The following PKP4 variants were observed in gnomAD, a reference collection of about 807,000 sequenced individuals.
PKP4 encodes the protein plakophilin-4.
In PKP4, 90 loss-of-function variants were observed where a neutral mutation model predicts 145.1. The observed-to-expected ratio is 0.62, with a 90% CI of 0.52 to 0.74. PKP4 has a LOEUF of 0.74. Ranked by LOEUF, PKP4 falls within the 30% of genes least tolerant of loss-of-function variation. PKP4 has a pLI of 0.00. For synonymous variants in PKP4, 563 were observed against 577.2 expected, an observed-to-expected ratio of 0.98 and a Z score of 0.35; for missense variants, 1,340 against 1,482.7, an observed-to-expected ratio of 0.90 and a Z score of 1.58.
chr2:158,479,229 A>G (rs1186010605), intron 1 of PKP4, among the ~76,000 whole-genome samples: 5 of 151,684 alleles, frequency 3.3e-5, no homozygotes, highest in Non-Finnish European at 7.4e-5. Context: ...TATTATTATT[A>G]TTTATTTTTT....
chr2:158,647,264 G>A (rs765428929), intron 11 of PKP4, among the ~76,000 whole-genome samples: 1 of 152,202 alleles, frequency 6.6e-6, no homozygotes, highest in Non-Finnish European at 1.5e-5. Context: ...ATTCCTAAGT[G>A]AAAATTATAG....
intron 4 of PKP4, 52 bp downstream of exon 4, chr2:158,603,156 C>A: frequency 1.0e-6 from 1 of 981,846 alleles, no homozygotes; most frequent in Non-Finnish European, 1.5e-6. Flanking sequence ...AATTACATAG[C>A]CTACTCTCTT....
intron 3 of PKP4, 125 bp downstream of exon 3, chr2:158,577,508 A>G: frequency 1.6e-6 from 1 of 622,314 alleles, no homozygotes; most frequent in Admixed American, 3.1e-5. Flanking sequence ...ATTTGAAACC[A>G]AAAATGTCCA....
intron 7 of PKP4, among the ~76,000 whole-genome samples, 195 bp downstream of exon 7, chr2:158,625,622 A>G (rs1410255281): frequency 1.3e-5 from 2 of 152,226 alleles, no homozygotes; most frequent in East Asian, 3.8e-4. Context: ...CATTTATATC[A>G]ATAGAATCCT....
intron 7 of PKP4, 130 bp downstream of exon 7, chr2:158,625,557 C>CTTAAGG: frequency 1.4e-6 from 1 of 716,732 alleles, no homozygotes. Flanking sequence ...AAACTATAAA[C>CTTAAGG]TTAAGGTTAA....
At position 158,652,173 on chromosome 2, in the gene PKP4, T is replaced by C. The variant is rs573090104; in HGVS notation, c.1910-5958T>C. Among the ~76,000 whole-genome samples, 7 of 152,376 alleles carry C rather than the reference T, an allele frequency of 4.6e-5. No homozygotes were observed. The South Asian group carries it at 1.0e-3, about 23-fold the overall frequency. On this transcript the variant is annotated intron_variant, in intron 11 of 21. Coordinates refer to ENST00000389759, the MANE Select transcript of PKP4 (RefSeq NM_003628.6). ...TTCTAAGAAATATAAAAATTATTAA[T>C]ATTTTGTGTTCACTTCTTCGTACCA...
chr2:158,610,251 G>A (rs1297267831), intron 4 of PKP4, among the ~76,000 whole-genome samples: 2 of 151,942 alleles, frequency 1.3e-5, no homozygotes, highest in African/African-American at 4.8e-5. Context: ...TTATGTTAGC[G>A]CTCCCTTCTG....
chr2:158,565,370 C>CAAAT (rs1279121945), intron 2 of PKP4, among the ~76,000 whole-genome samples: 1 of 149,462 alleles, frequency 6.7e-6, no homozygotes, highest in Non-Finnish European at 1.5e-5. Flanking sequence ...TTCTTTTGGT[C>CAAAT]AAATAAATTA....
chr2:158,592,791 A>G (rs536634338), intron 3 of PKP4, among the ~76,000 whole-genome samples: 14 of 152,276 alleles, frequency 9.2e-5, no homozygotes, highest in Admixed American at 2.6e-4. Context: ...AAATTTTTAC[A>G]TAGTCTTTTC....
At chr2:158,471,804 G>A (rs1255287454) in intron 1 of PKP4, among the ~76,000 whole-genome samples, 1 of 152,158 alleles carries the variant, frequency 6.6e-6, no homozygotes, top group Non-Finnish European at 1.5e-5. Context: ...TCCTTTTTTA[G>A]ATACCTCATT....
chr2:158,621,209 T>C (rs2052202201), intron 5 of PKP4, 22 bp from the exon 6 acceptor site: 3 of 1,613,678 alleles, frequency 1.9e-6, no homozygotes, highest in Non-Finnish European at 2.5e-6. Context: ...AATAAAGATA[T>C]TTCTTGGTTT....
chr2:158,631,500 C>T (rs952497046), intron 7 of PKP4, among the ~76,000 whole-genome samples: 26 of 152,042 alleles, frequency 1.7e-4, no homozygotes, highest in African/African-American at 6.3e-4. Flanking sequence ...CTTCCAGTTT[C>T]AGACTCCTGA....
chr2:158,626,523 C>T (rs188402621), intron 7 of PKP4, among the ~76,000 whole-genome samples: 100 of 152,290 alleles, frequency 6.6e-4, no homozygotes, highest in African/African-American at 2.3e-3. Flanking sequence ...AACTGGGATC[C>T]AGTAGAATTG....
At chr2:158,599,029 A>G (rs2050008453) in intron 3 of PKP4, among the ~76,000 whole-genome samples, 1 of 152,186 alleles carries the variant, frequency 6.6e-6, no homozygotes, top group African/African-American at 2.4e-5. Flanking sequence ...TGTGTGGGAA[A>G]GGGCACACTA....
At chr2:158,640,385 T>C (rs959745892) in intron 9 of PKP4, among the ~76,000 whole-genome samples, 1 of 152,250 alleles carries the variant, frequency 6.6e-6, no homozygotes, top group Non-Finnish European at 1.5e-5. Flanking sequence ...TTAAGAATTT[T>C]CTTTGTTCCC....
intron 17 of PKP4, 101 bp downstream of exon 17, chr2:158,670,016 T>G: frequency 2.1e-6 from 2 of 935,588 alleles, no homozygotes; most frequent in Non-Finnish European, 3.1e-6. Context: ...AAAGGATTTA[T>G]TTTTGCATTT....
At position 158,542,106 on chromosome 2, in the gene PKP4, T is replaced by A. The variant is rs181019467; in HGVS notation, c.132+8790T>A. Among the ~76,000 whole-genome samples the A allele has an allele frequency of 2.0e-5, 3 of 152,284 alleles. No individual in the cohort carries two copies. In the East Asian group the frequency reaches 5.8e-4, roughly 29 times the overall value. On this transcript the variant is annotated intron_variant, in intron 2 of 21. Transcript: ENST00000389759. ...CTTTATGCCCAACTGAAGAGTCAAGTAACACCGTTTTTCATTCATAACCTT... is the reference window on the plus strand; with the variant it reads ...CTTTATGCCCAACTGAAGAGTCAAGAAACACCGTTTTTCATTCATAACCTT...
intron 4 of PKP4, among the ~76,000 whole-genome samples, chr2:158,606,680 G>C (rs1320525033): frequency 6.6e-6 from 1 of 152,078 alleles, no homozygotes; most frequent in Non-Finnish European, 1.5e-5. Context: ...GGAACATACT[G>C]TATATGCAGT....
rs1388087818 is a variant in PKP4, at chr2:158,625,380, A to G, written c.1106A>G (p.Tyr369Cys). ...ATGGAGCAATTCGGACAGCAGCAGT[A>G]TGACATTTATGAGAGGATGGTTCCA... ...HDMEQFGQQQ[Y>C]DIYERMVPPR... Residue 369 changes from tyrosine to cysteine, a missense_variant, in exon 7 of 22, where the codon TAT becomes TGT. Transcript: ENST00000389759. The G allele has an allele frequency of 1.9e-6, 3 of 1,614,166 alleles. No individual in the cohort carries two copies. Among genetic ancestry groups the G allele is most frequent in the Admixed American group, 1.7e-5 (1 of 60,026 alleles).
Sources: gnomAD v4.1 joint callset for allele counts (sites outside exome capture counted in the v4.1 genomes callset) on GRCh38, gnomAD v4.1.1 for gene constraint, MANE v1.5 for transcripts, NCBI Gene and HGNC (gene_info 2026-07-23, HGNC 2026-07-21) for gene names.